TLN2: variants seen among roughly 807,000 people sequenced by gnomAD.
TLN2 encodes talin 2, also known as talin-2.
A neutral mutation model predicts 294.7 loss-of-function variants in TLN2; 118 were observed. The observed-to-expected ratio is 0.40, with a 90% CI of 0.34 to 0.47. The LOEUF (loss-of-function observed/expected upper bound fraction) is 0.47. Among genes scored for constraint, TLN2 ranks in the 20% least tolerant of loss-of-function variants. The probability of loss-of-function intolerance (pLI) is 0.84; values close to 1 mark genes in which losing one functional copy is unlikely to be tolerated. For missense variants in TLN2, 3,083 were observed against 3,282.2 expected (o/e 0.94, Z 1.48); for synonymous variants, 1,431 against 1,304.5 (o/e 1.10, Z -2.09).
At chr15:62,680,168 A>G (rs1177359688) in intron 11 of TLN2, among the ~76,000 whole-genome samples, 1 of 152,032 alleles carries the variant, frequency 6.6e-6, no homozygotes, top group Admixed American at 6.5e-5. Flanking sequence ...TTTCCTTTTC[A>G]TATATACTTT....
rs1027210706 is a variant in TLN2 at position 62,638,065 on chromosome 15, A to G, written c.-36-9210A>G. 14 of 154,350 alleles carry G rather than the reference A, an allele frequency of 9.1e-5. 1 individual carries two copies. The highest frequency in any genetic ancestry group is 3.4e-4 in the African/African-American group (14 of 41,398). 9.6% of individuals were successfully genotyped at this position (154,350 alleles called of 1,614,324 possible). On this transcript the variant is annotated intron_variant, in intron 3 of 58. Transcript: ENST00000636159. ...AAGCAGCTTGAACCTGATTTTCCAT[A>G]CATTTCAAAATGCTATGTGTCCATT... is the stretch of plus-strand genomic sequence containing the variant.
intron 1 of TLN2, among the ~76,000 whole-genome samples, chr15:62,584,090 T>C (rs551349118): frequency 2.0e-5 from 3 of 152,334 alleles, no homozygotes; most frequent in Admixed American, 6.5e-5. Context: ...AAAATGAGCT[T>C]TCAACAATTA....
intron 3 of TLN2, among the ~76,000 whole-genome samples, chr15:62,636,610 A>G (rs1186953720): frequency 6.6e-6 from 1 of 152,172 alleles, no homozygotes; most frequent in Non-Finnish European, 1.5e-5. Context: ...CCAAGTCAAA[A>G]AATGTGCTTT....
intron 11 of TLN2, among the ~76,000 whole-genome samples, chr15:62,679,992 A>G (rs947216271): frequency 2.0e-5 from 3 of 152,224 alleles, no homozygotes; most frequent in Admixed American, 1.3e-4. Flanking sequence ...CAGCACATCT[A>G]TATGGGTCTA....
At chr15:62,677,920 C>T (rs779330299) in intron 11 of TLN2, among the ~76,000 whole-genome samples, 1 of 148,796 alleles carries the variant, frequency 6.7e-6, no homozygotes, top group Non-Finnish European at 1.5e-5. Flanking sequence ...CTTAGCTTCC[C>T]GAGTAGCTAG....
intron 28 of TLN2, among the ~76,000 whole-genome samples, chr15:62,736,676 G>A (rs946473395): frequency 6.6e-6 from 1 of 152,214 alleles, no homozygotes; most frequent in Non-Finnish European, 1.5e-5. Flanking sequence ...TGTTATTAAT[G>A]TGTCTCTTGG....
At chr15:62,450,080 C>G (rs1432916158) in intron 1 of TLN2, among the ~76,000 whole-genome samples, 2 of 152,176 alleles carry the variant, frequency 1.3e-5, no homozygotes, top group Non-Finnish European at 2.9e-5. Context: ...CTAATGTTTT[C>G]TGCCGTCTCC....
At chr15:62,754,220 T>G in intron 36 of TLN2, 1 of 236,898 alleles carries the variant, frequency 4.2e-6, no homozygotes. Context: ...GTTCTGTGCT[T>G]AGCTGTAAGG....
intron 3 of TLN2, among the ~76,000 whole-genome samples, chr15:62,627,538 G>T (rs565680645): frequency 6.6e-6 from 1 of 152,192 alleles, no homozygotes; most frequent in Admixed American, 6.5e-5. Context: ...GAATTATCTT[G>T]TGAAATGTTG....
chr15:62,823,855 A>G (rs1250549935), intron 54 of TLN2: 4 of 441,868 alleles, frequency 9.1e-6, no homozygotes, highest in Non-Finnish European at 1.4e-5. Context: ...CTTGTGCTCC[A>G]AAGACAGTTA....
At chr15:62,703,375 C>T (rs1168592630) in intron 19 of TLN2, among the ~76,000 whole-genome samples, 1 of 152,054 alleles carries the variant, frequency 6.6e-6, no homozygotes, top group Non-Finnish European at 1.5e-5. Context: ...GCTGGGATTA[C>T]AGGCGTGAGC....
chr15:62,595,668 C>T (rs2046435731), intron 2 of TLN2, among the ~76,000 whole-genome samples: 2 of 152,122 alleles, frequency 1.3e-5, no homozygotes, highest in Admixed American at 1.3e-4. Flanking sequence ...CATAAGTGTC[C>T]ATCATTGGAT....
At chr15:62,408,791 A>G (rs1387261079) in intron 1 of TLN2, among the ~76,000 whole-genome samples, 1 of 152,024 alleles carries the variant, frequency 6.6e-6, no homozygotes, top group Non-Finnish European at 1.5e-5. Context: ...TGTATGGTCC[A>G]AGAATTTGTT....
Position 62,647,372 on chromosome 15 carries a change from T to G in TLN2, c.62T>G (p.Phe21Cys). Residue 21 changes from phenylalanine (F) to cysteine (C), a missense_variant, in exon 4 of 59, where the codon TTT becomes TGT. By Grantham distance (205) the Phe-to-Cys change is radical. Coordinates refer to ENST00000636159, the MANE Select transcript of TLN2 (RefSeq NM_015059.3). ...RHCNVVKTMQ[F>C]EPSTAVYDAC... The stretch of plus-strand genomic sequence containing the variant: ...TGCAACGTGGTGAAGACCATGCAGT[T>G]TGAACCATCTACAGCTGTGTACGAT... The G allele has an allele frequency of 6.2e-7, 1 of 1,614,240 alleles. No homozygotes were observed. Among genetic ancestry groups the G allele is most frequent in the Non-Finnish European group, 8.5e-7 (1 of 1,180,042 alleles).
intron 1 of TLN2, among the ~76,000 whole-genome samples, chr15:62,525,235 A>C (rs2140482092): frequency 6.6e-6 from 1 of 152,332 alleles, no homozygotes; most frequent in South Asian, 2.1e-4. Flanking sequence ...TGATTTGCTA[A>C]GGCCATCCAC....
chr15:62,531,354 A>C, intron 1 of TLN2, among the ~76,000 whole-genome samples: 1 of 152,220 alleles, frequency 6.6e-6, no homozygotes, highest in Non-Finnish European at 1.5e-5. Flanking sequence ...CACGTGTGGA[A>C]TCCTTGATCT....
intron 1 of TLN2, among the ~76,000 whole-genome samples, chr15:62,524,006 A>G (rs2040602664): frequency 6.6e-6 from 1 of 152,260 alleles, no homozygotes. Context: ...CTAGTATTAG[A>G]TGCTGCTCCT....
At chr15:62,692,359 G>C (rs1224175871) in intron 12 of TLN2, among the ~76,000 whole-genome samples, 1 of 152,226 alleles carries the variant, frequency 6.6e-6, no homozygotes, top group East Asian at 1.9e-4. Flanking sequence ...TTGTGGAACA[G>C]GGCCTGGGAG....
rs557366702 is a variant in TLN2, at chr15:62,808,048, G to A, written c.6664-1877G>A. On this transcript the variant is annotated intron_variant, in intron 51 of 58. Coordinates refer to ENST00000636159, the MANE Select transcript of TLN2 (RefSeq NM_015059.3). ...AAATGCCAAGCAGAAGGGCCGAGTC[G>A]CCCTAGTCCAGCTCTGCCTTTTCCC... Among the ~76,000 whole-genome samples, 11 of 152,172 alleles carry A rather than the reference G, an allele frequency of 7.2e-5. No individual in the cohort carries two copies. The South Asian group carries it at 1.7e-3, about 23-fold the overall frequency.
Sources: gnomAD v4.1 joint callset for allele counts (sites outside exome capture counted in the v4.1 genomes callset) on GRCh38, gnomAD v4.1.1 for gene constraint, MANE v1.5 for transcripts, NCBI Gene and HGNC (gene_info 2026-07-23, HGNC 2026-07-21) for gene names.